MOV10L1: variants seen among roughly 807,000 people sequenced by gnomAD.
MOV10L1 encodes RNA helicase Mov10l1.
MOV10L1 carries 110 observed loss-of-function variants against 143.8 expected under a neutral mutation model. The ratio of observed to expected loss-of-function variants is 0.76; its 90% CI spans 0.66 to 0.90. MOV10L1 has a LOEUF of 0.90. MOV10L1 is among the 40% of genes least tolerant of loss of function. The pLI is 0.00. For synonymous variants in MOV10L1, 593 were observed against 581.1 expected (o/e 1.02, Z -0.29); for missense variants, 1,406 against 1,526.8 (o/e 0.92, Z 1.32).
Position 50,090,054 on chromosome 22 carries a change from G to GTGGCGGTGA in MOV10L1, c.-35_-34insTGGCGGTGA. 5 of 789,080 alleles carry GTGGCGGTGA rather than the reference G, an allele frequency of 6.3e-6. No homozygotes were observed. The highest frequency in any genetic ancestry group is 8.0e-6 in the Non-Finnish European group (5 of 628,738). The allele number at this position is 789,080 out of a possible 1,614,324, so 48.9% of individuals were successfully genotyped here. A position where few individuals can be genotyped will look rare whatever the true frequency, so the allele number is the denominator to read the frequency against. On this transcript the variant is annotated 5_prime_UTR_variant, in exon 1 of 27. Transcript: ENST00000262794. ...GCGCGGGCGCGTGCGGGCGGCGGCA[G>GTGGCGGTGA]CGGCGGTGACGGCAGCCTAGGCCGG...
chr22:50,132,670 A>G (rs1427328909), intron 13 of MOV10L1, among the ~76,000 whole-genome samples: 1 of 152,202 alleles, frequency 6.6e-6, no homozygotes, highest in Admixed American at 6.5e-5. Context: ...AAGTCTCCTA[A>G]ACTGAATAGC....
At chr22:50,090,730 G>C (rs985437305) in intron 1 of MOV10L1, 13 of 589,932 alleles carry the variant, frequency 2.2e-5, no homozygotes, top group Non-Finnish European at 3.3e-5. Flanking sequence ...AGGCTGGAGT[G>C]CAGTGGCGCA....
intron 6 of MOV10L1, 76 bp from the exon 7 acceptor site, chr22:50,114,305 T>C: frequency 6.5e-7 from 1 of 1,529,708 alleles, no homozygotes; most frequent in South Asian, 1.2e-5. Flanking sequence ...CTAGATTAGG[T>C]TTTGTGTTTT....
At chr22:50,148,346 G>C (rs1165191741) in intron 19 of MOV10L1, among the ~76,000 whole-genome samples, 2 of 152,236 alleles carry the variant, frequency 1.3e-5, no homozygotes, top group Non-Finnish European at 2.9e-5. Context: ...GGCCCCAGGT[G>C]GGGTGGCCCC....
At chr22:50,129,761 T>C (rs1373676265) in intron 13 of MOV10L1, among the ~76,000 whole-genome samples, 1 of 152,212 alleles carries the variant, frequency 6.6e-6, no homozygotes, top group Non-Finnish European at 1.5e-5. Context: ...CTCATGATGG[T>C]CTTGATTTAC....
intron 6 of MOV10L1, 86 bp downstream of exon 6, chr22:50,113,874 A>C: frequency 8.6e-7 from 1 of 1,164,758 alleles, no homozygotes; most frequent in Non-Finnish European, 1.1e-6. Context: ...AACCAACTTT[A>C]CTTTGGTCAT....
chr22:50,130,945 G>A (rs1325378496), intron 13 of MOV10L1, among the ~76,000 whole-genome samples: 1 of 152,076 alleles, frequency 6.6e-6, no homozygotes, highest in African/African-American at 2.4e-5. Flanking sequence ...TACCCAGGCT[G>A]GAGTGCAGTG....
At chr22:50,090,917 C>G (rs1038742142) in intron 1 of MOV10L1, 1 of 228,616 alleles carries the variant, frequency 4.4e-6, no homozygotes, top group African/African-American at 2.3e-5. Flanking sequence ...CTCAGGTGAC[C>G]CACCCACCTT....
At chr22:50,129,737 G>C (rs140666046) in intron 13 of MOV10L1, among the ~76,000 whole-genome samples, 13 of 152,260 alleles carry the variant, frequency 8.5e-5, no homozygotes, top group South Asian at 4.1e-4. Flanking sequence ...CAGTCTGGTA[G>C]GTGTGTAATG....
chr22:50,134,148 T>C (rs2062755944), intron 14 of MOV10L1, 83 bp downstream of exon 14: 1 of 1,060,214 alleles, frequency 9.4e-7, no homozygotes, highest in Non-Finnish European at 1.4e-6. Flanking sequence ...TAAAATAGTC[T>C]CTTCAGTCAT....
chr22:50,143,203 A>C lies in MOV10L1; in HGVS notation c.2340A>C (p.Ile780=), dbSNP rs138225964. Residue 780 remains isoleucine, a synonymous_variant, in exon 17 of 27, where the codon ATA becomes ATC. Coordinates refer to ENST00000262794, the MANE Select transcript of MOV10L1 (RefSeq NM_018995.3). ...GPPGTGKTVT[I]IEAVLQVHFA... ...CTGGTACTGGAAAGACAGTGACAAT[A>C]ATAGAGGCTGTTTTACAGGTAAGGA... 1.2e-5 allele frequency: 19 copies of C among 1,613,986 alleles called. No homozygotes were observed. Among genetic ancestry groups the C allele is most frequent in the African/African-American group, 2.7e-5 (2 of 74,894 alleles).
intron 9 of MOV10L1, 33 bp from the exon 10 acceptor site, chr22:50,120,469 C>G (rs975518898): frequency 2.1e-6 from 3 of 1,399,340 alleles, no homozygotes; most frequent in Non-Finnish European, 3.0e-6. Context: ...GTGATAAAGA[C>G]TTATTTTTAA....
rs1242001364 is a variant in MOV10L1, at chr22:50,135,750, C to CA, written c.2070+1137dup. ...TGGGCAATAGAGCGAGACTCCATCT[C>CA]AAAAAAAAAAAAAAAAAGCTTCTAT... On this transcript the variant is annotated intron_variant, in intron 15 of 26. Transcript: ENST00000262794. Among the ~76,000 whole-genome samples the CA allele has an allele frequency of 8.9e-3, 501 of 55,980 alleles. 2 individuals carry two copies. The highest frequency in any genetic ancestry group is 0.028 in the East Asian group (49 of 1,766). The allele number at this position is 55,980 out of a possible 152,430, so 36.7% of individuals were successfully genotyped here. A position where few individuals can be genotyped will look rare whatever the true frequency, so the allele number is the denominator to read the frequency against.
intron 2 of MOV10L1, 125 bp from the exon 3 acceptor site, chr22:50,099,318 G>A (rs188300304): frequency 1.5e-5 from 17 of 1,168,214 alleles, no homozygotes; most frequent in Admixed American, 7.7e-5. Flanking sequence ...CACCAGACCC[G>A]GAATCTGCCA....
intron 8 of MOV10L1, among the ~76,000 whole-genome samples, chr22:50,116,013 A>G (rs1341121226): frequency 6.6e-6 from 1 of 152,164 alleles, no homozygotes; most frequent in African/African-American, 2.4e-5. Context: ...CCTGTCCTCC[A>G]GCTCCCTGTG....
chr22:50,140,436 G>T (rs974363185), intron 15 of MOV10L1, among the ~76,000 whole-genome samples: 1 of 152,186 alleles, frequency 6.6e-6, no homozygotes, highest in African/African-American at 2.4e-5. Flanking sequence ...GTGGGAGGAG[G>T]TTATAGGCAT....
In MOV10L1 at chr22:50,099,619, G is replaced by A. The variant is rs776220933; in HGVS notation, c.442+17G>A. On this transcript the variant is annotated intron_variant, in intron 3 of 26. Coordinates refer to ENST00000262794, the MANE Select transcript of MOV10L1 (RefSeq NM_018995.3). ...TGTGCGAAGGTATGCTCAGGGGTCT[G>A]TGTTCCACATTGAAAATTAGGTTTT... is the stretch of plus-strand genomic sequence containing the variant. The A allele has an allele frequency of 6.3e-7, 1 of 1,586,568 alleles. No homozygotes were observed. Among genetic ancestry groups the A allele is most frequent in the South Asian group, 1.1e-5 (1 of 90,076 alleles).
chr22:50,114,639 C>T lies in MOV10L1; in HGVS notation c.1126+17C>T, dbSNP rs767041598. 1.8e-5 allele frequency: 29 copies of T among 1,611,650 alleles called. No individual in the cohort carries two copies. The Admixed American group carries it at 4.3e-4, about 24-fold the overall frequency. ...TCTCTCCAGGTAGTGGACGTTTCGGCTGTCACTGCGTGAGGTCGGGTGGGC... is the reference window on the plus strand; with the variant it reads ...TCTCTCCAGGTAGTGGACGTTTCGGTTGTCACTGCGTGAGGTCGGGTGGGC... On this transcript the variant is annotated intron_variant, in intron 7 of 26. Transcript: ENST00000262794.
rs185168457 is a variant in MOV10L1 at position 50,125,888 on chromosome 22, C to T, written c.1748-314C>T. ...TTGCAACCTCTGCCTCCCGGGTTCA[C>T]GCCGTTCTCCTGCCTTAGCCTCCCG... On this transcript the variant is annotated intron_variant, in intron 11 of 26. Coordinates refer to ENST00000262794, the MANE Select transcript of MOV10L1 (RefSeq NM_018995.3). Among the ~76,000 whole-genome samples, 334 of 151,916 alleles carry T rather than the reference C, an allele frequency of 2.2e-3. 4 individuals carry two copies. The highest frequency in any genetic ancestry group is 7.6e-3 in the African/African-American group (315 of 41,432).
Sources: allele counts gnomAD v4.1 joint callset (sites outside exome capture counted in the v4.1 genomes callset), GRCh38; gene constraint gnomAD v4.1.1; transcripts MANE v1.5; gene names NCBI Gene and HGNC (gene_info 2026-07-23, HGNC 2026-07-21).